Variants in RBFOX1 observed in about 807,000 individuals in gnomAD.
RBFOX1 encodes the protein RNA binding fox-1 homolog 1, also known as RNA binding protein fox-1 homolog 1.
A neutral mutation model predicts 57.7 loss-of-function variants in RBFOX1; 8 were observed. That is an observed-to-expected ratio of 0.14 (90% CI 0.08 to 0.25). The LOEUF (loss-of-function observed/expected upper bound fraction) is 0.25. Among genes scored for constraint, RBFOX1 ranks in the 10% least tolerant of loss-of-function variants. The pLI is 1.00. For synonymous variants in RBFOX1, 326 were observed against 222.4 expected (o/e 1.47, Z -4.15); for missense variants, 611 against 548.5 (o/e 1.11, Z -1.14).
chr16:7,451,253 A>T (rs151106697), intron 4 of RBFOX1, among the ~76,000 whole-genome samples: 4 of 152,214 alleles, frequency 2.6e-5, no homozygotes, highest in Non-Finnish European at 5.9e-5. Context: ...ATTCAGTTCT[A>T]TGAGCTTTTG....
intron 4 of RBFOX1, among the ~76,000 whole-genome samples, chr16:7,079,692 A>C (rs2058859684): frequency 6.6e-6 from 1 of 152,164 alleles, no homozygotes; most frequent in Non-Finnish European, 1.5e-5. Context: ...CCTGCATGGC[A>C]AATGGAGGCT....
At chr16:7,484,007 C>G (rs941653936) in intron 4 of RBFOX1, among the ~76,000 whole-genome samples, 4 of 152,178 alleles carry the variant, frequency 2.6e-5, no homozygotes, top group Middle Eastern at 3.2e-3. Context: ...TTCTGCCCCC[C>G]CATTCCCTAA....
intron 2 of RBFOX1, among the ~76,000 whole-genome samples, chr16:6,557,046 CATATATATACAT>C (rs2097110910): frequency 7.9e-6 from 1 of 126,662 alleles, no homozygotes; most frequent in Non-Finnish European, 1.6e-5. Context: ...CATATATATA[CATATATATACAT>C]ATATACATAC....
At chr16:5,597,200 C>G (rs900514771) in intron 2 of RBFOX1, among the ~76,000 whole-genome samples, 2 of 151,454 alleles carry the variant, frequency 1.3e-5, no homozygotes, top group East Asian at 1.9e-4. Context: ...CTGTCTATAT[C>G]TTTGTCTCTC....
chr16:6,271,235 C>G (rs375543881), intron 1 of RBFOX1, among the ~76,000 whole-genome samples: 3 of 152,064 alleles, frequency 2.0e-5, no homozygotes, highest in Non-Finnish European at 2.9e-5. Context: ...ACCAGTCTGG[C>G]CAACATGGTG....
Position 6,067,336 on chromosome 16 carries a change from C to T in RBFOX1, c.-127+47344C>T, listed in dbSNP as rs117841294. 6.5e-4 allele frequency among the ~76,000 whole-genome samples: 98 copies of T among 150,206 alleles called. 1 individual carries two copies. In the East Asian group the frequency reaches 0.012, roughly 19 times the overall value. On this transcript the variant is annotated intron_variant, in intron 1 of 15. Transcript: ENST00000550418. ...CAGAGACATTCTGTGCCCGATATAG[C>T]TTCATTTTGTTAATAGCAGAAGTGA... is the stretch of plus-strand genomic sequence containing the variant.
chr16:7,280,866 C>T (rs976914440), intron 4 of RBFOX1, among the ~76,000 whole-genome samples: 4 of 151,970 alleles, frequency 2.6e-5, no homozygotes, highest in African/African-American at 4.8e-5. Context: ...AACCGCTATC[C>T]TATGGCCATA....
intron 1 of RBFOX1, among the ~76,000 whole-genome samples, chr16:5,339,475 T>G (rs1175387672): frequency 1.7e-3 from 145 of 85,160 alleles, no homozygotes; most frequent in African/African-American, 8.1e-3. Flanking sequence ...TCCGTGTTTT[T>G]TTTTTTTTTT....
Position 7,164,715 on chromosome 16 carries a change from C to G in RBFOX1, c.27+112617C>G, listed in dbSNP as rs983199003. On this transcript the variant is annotated intron_variant, in intron 4 of 15. Transcript: ENST00000550418. ...ACATTTCTATTCAGTTTTCCCCTAC[C>G]TCATGGCTGTATAGAAGTCTGTTGT... Among the ~76,000 whole-genome samples, 128 of 152,272 alleles carry G rather than the reference C, an allele frequency of 8.4e-4. 3 individuals are homozygous for G. Among genetic ancestry groups the G allele is most frequent in the Non-Finnish European group, 1.3e-4 (9 of 68,028 alleles).
At chr16:5,783,891 G>C (rs114148957) in intron 3 of RBFOX1, among the ~76,000 whole-genome samples, 4,443 of 152,228 alleles carry the variant, frequency 0.029, 209 homozygotes, top group African/African-American at 0.1. Context: ...GCTTTCATGT[G>C]TGCATCCCCT....
chr16:5,782,120 A>G (rs191314657), intron 3 of RBFOX1, among the ~76,000 whole-genome samples: 18 of 152,378 alleles, frequency 1.2e-4, no homozygotes, highest in Admixed American at 1.2e-3. Flanking sequence ...CTGAGGCAGG[A>G]GAATCACTTG....
intron 2 of RBFOX1, among the ~76,000 whole-genome samples, chr16:6,463,662 G>A (rs936344010): frequency 3.3e-5 from 5 of 152,136 alleles, no homozygotes; most frequent in African/African-American, 4.8e-5. Flanking sequence ...CGTGAGCACC[G>A]GTCTCGTTCA....
At chr16:6,393,595 T>C (rs2092699232) in intron 2 of RBFOX1, among the ~76,000 whole-genome samples, 1 of 152,126 alleles carries the variant, frequency 6.6e-6, no homozygotes, top group African/African-American at 2.4e-5. Flanking sequence ...AATCTTGGGG[T>C]ATCTCCCCTT....
intron 4 of RBFOX1, among the ~76,000 whole-genome samples, chr16:5,940,110 G>A (rs75897914): frequency 0.033 from 5,086 of 152,186 alleles, 310 homozygotes; most frequent in East Asian, 0.21. Flanking sequence ...GGCTCACCCC[G>A]TATTCCACAC....
intron 4 of RBFOX1, among the ~76,000 whole-genome samples, chr16:5,876,103 A>G (rs1329231249): frequency 6.6e-6 from 1 of 152,076 alleles, no homozygotes; most frequent in African/African-American, 2.4e-5. Flanking sequence ...TTGGCCTCCC[A>G]AAGTGCTGGG....
chr16:6,274,058 G>T (rs1002835919), intron 1 of RBFOX1, among the ~76,000 whole-genome samples: 1 of 152,192 alleles, frequency 6.6e-6, no homozygotes. Context: ...TACTTGCAAG[G>T]TTGTTGAGCA....
intron 3 of RBFOX1, among the ~76,000 whole-genome samples, chr16:5,762,569 G>C (rs2053628585): frequency 6.6e-6 from 1 of 152,094 alleles, no homozygotes; most frequent in Non-Finnish European, 1.5e-5. Context: ...TTCCCCGCGG[G>C]GAATAATTAA....
chr16:7,391,315 G>T (rs191883876), intron 4 of RBFOX1, among the ~76,000 whole-genome samples: 2 of 152,266 alleles, frequency 1.3e-5, no homozygotes, highest in African/African-American at 4.8e-5. Context: ...GTTTGTAAAA[G>T]AAGGGCCCTC....
chr16:7,693,937 AG>A (rs2077995250), intron 14 of RBFOX1, among the ~76,000 whole-genome samples: 1 of 152,174 alleles, frequency 6.6e-6, no homozygotes, highest in South Asian at 2.1e-4. Flanking sequence ...GGACTTAGAG[AG>A]ACCAGGTCTT....
Sources: allele counts gnomAD v4.1 joint callset (sites outside exome capture counted in the v4.1 genomes callset), GRCh38; gene constraint gnomAD v4.1.1; transcripts MANE v1.5; gene names NCBI Gene and HGNC (gene_info 2026-07-23, HGNC 2026-07-21).